Variants in LOC128462377 observed in about 807,000 individuals in gnomAD.
the LOC128462377 span, among the ~76,000 whole-genome samples, chr16:89,334,656 G>A: frequency 6.6e-6 from 1 of 152,036 alleles, no homozygotes; most frequent in Non-Finnish European, 1.5e-5. Context: ...CTCCATGAGG[G>A]GCCACATCCA....
the LOC128462377 span, among the ~76,000 whole-genome samples, chr16:89,344,180 C>A: frequency 7.2e-5 from 11 of 152,208 alleles, no homozygotes; most frequent in African/African-American, 2.7e-4. Flanking sequence ...TGGCTCAGGA[C>A]AGATTCCCAG....
the LOC128462377 span, chr16:89,323,193 G>A: frequency 1.4e-6 from 1 of 703,618 alleles, no homozygotes; most frequent in African/African-American, 1.8e-5. Flanking sequence ...CACCTCACAG[G>A]GAGAGAAGTC....
the LOC128462377 span, chr16:89,323,697 C>G: frequency 3.3e-6 from 1 of 304,686 alleles, no homozygotes; most frequent in Non-Finnish European, 6.4e-6. Flanking sequence ...CTCTGTCCAG[C>G]CTCCACACAC....
chr16:89,399,443 T>C, the LOC128462377 span, among the ~76,000 whole-genome samples: 1 of 152,038 alleles, frequency 6.6e-6, no homozygotes. Flanking sequence ...GACTCTGACA[T>C]CCAGGAAAGG....
At chr16:89,405,971 G>A in the LOC128462377 span, among the ~76,000 whole-genome samples, 1 of 152,052 alleles carries the variant, frequency 6.6e-6, no homozygotes, top group East Asian at 1.9e-4. Context: ...CTTACCGGGC[G>A]TGGTGGCACA....
At chr16:89,383,400 T>C in the LOC128462377 span, among the ~76,000 whole-genome samples, 2 of 152,212 alleles carry the variant, frequency 1.3e-5, no homozygotes, top group Non-Finnish European at 2.9e-5. Flanking sequence ...ATCTGTGCCA[T>C]GGCTGTCCCC....
At chr16:89,365,358 C>G in the LOC128462377 span, among the ~76,000 whole-genome samples, 4 of 152,204 alleles carry the variant, frequency 2.6e-5, no homozygotes, top group African/African-American at 9.6e-5. Context: ...GAGCATGAGG[C>G]CAAATCACTG....
At chr16:89,357,555 A>G in the LOC128462377 span, among the ~76,000 whole-genome samples, 2 of 152,202 alleles carry the variant, frequency 1.3e-5, no homozygotes, top group Non-Finnish European at 2.9e-5. Context: ...GGGCCCCCAA[A>G]AGACAGTTGT....
At chr16:89,390,880 C>A in the LOC128462377 span, among the ~76,000 whole-genome samples, 4 of 152,174 alleles carry the variant, frequency 2.6e-5, no homozygotes, top group Non-Finnish European at 5.9e-5. Context: ...ATCCTTTCCA[C>A]GACACTGGTG....
the LOC128462377 span, among the ~76,000 whole-genome samples, chr16:89,334,833 G>A: frequency 7.9e-5 from 12 of 152,126 alleles, no homozygotes; most frequent in Non-Finnish European, 1.6e-4. Context: ...CACAACACAC[G>A]GGGCGCACGT....
chr16:89,329,009 G>GA, the LOC128462377 span: 1 of 137,836 alleles, frequency 7.3e-6, no homozygotes, highest in East Asian at 2.2e-4. Context: ...GCGCACGGGC[G>GA]AATCTGCAGA....
the LOC128462377 span, among the ~76,000 whole-genome samples, chr16:89,340,957 A>G: frequency 6.6e-6 from 1 of 152,194 alleles, no homozygotes; most frequent in Admixed American, 6.5e-5. Flanking sequence ...ATCAGCCAAT[A>G]GAGTCCTGGA....
the LOC128462377 span, among the ~76,000 whole-genome samples, chr16:89,375,417 G>C: frequency 6.6e-6 from 1 of 152,056 alleles, no homozygotes; most frequent in Non-Finnish European, 1.5e-5. Flanking sequence ...TCATGCCTGT[G>C]ACAAGCCGCT....
the LOC128462377 span, among the ~76,000 whole-genome samples, chr16:89,341,513 T>C: frequency 6.6e-6 from 1 of 152,096 alleles, no homozygotes; most frequent in Non-Finnish European, 1.5e-5. Flanking sequence ...TCTAAACATA[T>C]GTGCAGTGAC....
chr16:89,413,793 G>A, the LOC128462377 span, among the ~76,000 whole-genome samples: 1 of 152,116 alleles, frequency 6.6e-6, no homozygotes, highest in Non-Finnish European at 1.5e-5. Flanking sequence ...AGGGTGCCAG[G>A]GAGACTCTGC....
the LOC128462377 span, among the ~76,000 whole-genome samples, chr16:89,397,734 G>A: frequency 6.6e-6 from 1 of 152,254 alleles, no homozygotes; most frequent in African/African-American, 2.4e-5. Context: ...TGAAGATGAT[G>A]CAGAAGCCTC....
the LOC128462377 span, among the ~76,000 whole-genome samples, chr16:89,348,117 A>G: frequency 1.3e-5 from 2 of 152,192 alleles, no homozygotes; most frequent in Non-Finnish European, 2.9e-5. Flanking sequence ...TTTTTTGTAC[A>G]GATAGGGTTT....
At chr16:89,398,404 T>C in the LOC128462377 span, among the ~76,000 whole-genome samples, 627 of 42,088 alleles carry the variant, frequency 0.015, 36 homozygotes, top group African/African-American at 0.053. Context: ...TTACCTGTGA[T>C]CTCAGCACTC....
At chr16:89,379,731 C>A in the LOC128462377 span, among the ~76,000 whole-genome samples, 2 of 152,222 alleles carry the variant, frequency 1.3e-5, no homozygotes, top group Non-Finnish European at 2.9e-5. Context: ...TTGCGAAGAA[C>A]GTGTTGGTTC....
Sources: allele counts gnomAD v4.1 joint callset (sites outside exome capture counted in the v4.1 genomes callset), GRCh38; gene constraint gnomAD v4.1.1; transcripts MANE v1.5.